MCCC1: variants seen among roughly 807,000 people sequenced by gnomAD.
MCCC1 encodes the protein methylcrotonoyl-CoA carboxylase subunit alpha, mitochondrial.
MCCC1 carries 64 observed loss-of-function variants against 83.8 expected under a neutral mutation model. That is an observed-to-expected ratio of 0.76 (90% confidence interval 0.62 to 0.94). The LOEUF (loss-of-function observed/expected upper bound fraction) is 0.94, where lower values mean the gene tolerates loss of function less well. MCCC1 is among the 40% of genes least tolerant of loss of function. MCCC1 has a pLI of 0.00. For synonymous variants in MCCC1, 322 were observed against 315.4 expected (o/e 1.02, Z -0.22); for missense variants, 807 against 904.7 (o/e 0.89, Z 1.39).
Position 183,094,549 on chromosome 3 carries a change from C to CTG in MCCC1, c.136+8_136+9dup. 1 of 1,614,028 alleles carries CTG rather than the reference C, an allele frequency of 6.2e-7. No individual in the cohort carries two copies. Among genetic ancestry groups the CTG allele is most frequent in the Non-Finnish European group, 8.5e-7 (1 of 1,179,878 alleles). ...GCAAAATCAAATAGAACAACAAAGT[C>CTG]TGTCAGTACCTGTGGCTGTTGTGTA... On this transcript the variant is annotated intron_variant, in intron 2 of 18. Coordinates refer to ENST00000265594, the MANE Select transcript of MCCC1 (RefSeq NM_020166.5).
At position 183,025,743 on chromosome 3, in the gene MCCC1, A is replaced by C; in HGVS notation, c.1731+12T>G. 1.2e-6 allele frequency: 2 copies of C among 1,612,746 alleles called. No individual in the cohort carries two copies. The highest frequency in any genetic ancestry group is 1.7e-6 in the Non-Finnish European group (2 of 1,178,716). On this transcript the variant is annotated intron_variant, in intron 15 of 18. Coordinates refer to ENST00000265594, the MANE Select transcript of MCCC1 (RefSeq NM_020166.5). ...CAGCTCTGCACTGTAGAACAAAACC[A>C]GTAAGGCTTACCTGCATGCTATAAG...
intron 11 of MCCC1, among the ~76,000 whole-genome samples, chr3:183,040,367 A>G (rs968514029): frequency 7.3e-5 from 11 of 151,658 alleles, no homozygotes; most frequent in Admixed American, 3.3e-4. Flanking sequence ...TTCACTCTTC[A>G]TTATGCTGTT....
At position 183,064,590 on chromosome 3, in the gene MCCC1, C is replaced by T. The variant is rs867412323; in HGVS notation, c.761+6409G>A. ...AAGTGCAGCACCAGCGGGCTGCACG[C>T]CAGCTCCCCGGTTCGCCGGCTGCGG... On this transcript the variant is annotated intron_variant, in intron 7 of 18. Transcript: ENST00000265594. This position sits in a 1 kb window ranked among gnomAD's most constrained non-coding sequence, Gnocchi z 4.5. Among the ~76,000 whole-genome samples, 1 of 152,176 alleles carries T rather than the reference C, an allele frequency of 6.6e-6. No homozygotes were observed. Among genetic ancestry groups the T allele is most frequent in the East Asian group, 1.9e-4 (1 of 5,188 alleles).
At chr3:183,102,227 G>A (rs999018682), upstream of MCCC1, among the ~76,000 whole-genome samples, 8 of 152,030 alleles carry the variant, frequency 5.3e-5, no homozygotes, top group South Asian at 2.1e-4. Context: ...AAAACTGGGC[G>A]TAATGATGCA....
At chr3:183,029,190 C>T (rs557079810) in intron 14 of MCCC1, 2 of 152,204 alleles carry the variant, frequency 1.3e-5, no homozygotes, top group East Asian at 3.9e-4. Context: ...AGACGAAAAC[C>T]TAAAGTTTTG....
At chr3:183,018,956 C>T (rs1030030656) in intron 17 of MCCC1, among the ~76,000 whole-genome samples, 5 of 152,170 alleles carry the variant, frequency 3.3e-5, no homozygotes, top group African/African-American at 1.2e-4. Context: ...GTCTCACTTT[C>T]GTTTTGGTTA....
At chr3:183,083,113 T>C (rs912781806) in intron 4 of MCCC1, among the ~76,000 whole-genome samples, 3 of 152,228 alleles carry the variant, frequency 2.0e-5, no homozygotes, top group Non-Finnish European at 4.4e-5. Flanking sequence ...TATAAAAGTA[T>C]GTCAAAATGG....
upstream of MCCC1, chr3:183,099,633 A>C (rs1719021544): frequency 4.4e-6 from 3 of 680,356 alleles, no homozygotes; most frequent in East Asian, 5.5e-5. Context: ...GCCCGGCTTC[A>C]GTAGCGACGA....
At chr3:183,033,690 T>G (rs940329609) in intron 14 of MCCC1, among the ~76,000 whole-genome samples, 4 of 152,236 alleles carry the variant, frequency 2.6e-5, no homozygotes, top group African/African-American at 7.2e-5. Context: ...GAGGTTTTTT[T>G]GGGCATATTT....
upstream of MCCC1, chr3:183,099,526 C>T: frequency 2.0e-6 from 3 of 1,501,990 alleles, no homozygotes; most frequent in South Asian, 3.6e-5. Context: ...ACTACGAAGC[C>T]TCGTGACCCC....
intron 1 of MCCC1, among the ~76,000 whole-genome samples, chr3:183,096,926 G>C (rs1282663656): frequency 6.6e-6 from 1 of 152,164 alleles, no homozygotes; most frequent in Admixed American, 6.5e-5. Context: ...ATGGTTGCTT[G>C]TTGGTAAAGC....
rs1046985811 is a variant in MCCC1, at chr3:183,064,761, T to G, written c.761+6238A>C. 6.6e-6 allele frequency among the ~76,000 whole-genome samples: 1 copy of G among 152,144 alleles called. No individual in the cohort carries two copies. The highest frequency in any genetic ancestry group is 1.5e-5 in the Non-Finnish European group (1 of 68,004). On this transcript the variant is annotated intron_variant, in intron 7 of 18. Transcript: ENST00000265594. The surrounding 1 kb of genome is among the most constrained non-coding windows in gnomAD (Gnocchi z 4.5). ...GTGGACAGCAGGGCGAAGCGGGTAATGTAGGGGTGCAGCACCGGCAGGAGG... is the reference window on the plus strand; with the variant it reads ...GTGGACAGCAGGGCGAAGCGGGTAAGGTAGGGGTGCAGCACCGGCAGGAGG...
At chr3:183,056,880 G>A (rs1408860567) in intron 8 of MCCC1, among the ~76,000 whole-genome samples, 2 of 152,180 alleles carry the variant, frequency 1.3e-5, no homozygotes, top group Admixed American at 1.3e-4. Context: ...TTTTAGTAGA[G>A]ATGGGGGTTT....
intron 9 of MCCC1, among the ~76,000 whole-genome samples, chr3:183,048,135 T>C (rs1400297058): frequency 6.6e-6 from 1 of 152,182 alleles, no homozygotes; most frequent in East Asian, 1.9e-4. Context: ...TGACTGTACT[T>C]GATATGCTAA....
At chr3:183,102,482 T>TAATAAAATG (rs1719328489), upstream of MCCC1, among the ~76,000 whole-genome samples, 1 of 152,058 alleles carries the variant, frequency 6.6e-6, no homozygotes, top group African/African-American at 2.4e-5. Context: ...AGAAATCAAT[T>TAATAAAATG]AATAAAATGA....
chr3:183,071,043 GAA>G lies in MCCC1; in HGVS notation c.715_716del (p.Phe239GlnfsTer2). ...TCTCGATCAGCATAGCATCATCATT[GAA>G]AGACTTCTTAGCTTCTCTCCGTGCT... ...ESARREAKKS[F>X]NDDAMLIEKF... is the part of the protein sequence containing the mutation. On this transcript the variant is annotated frameshift_variant, in exon 7 of 19. Transcript: ENST00000265594. LOFTEE classifies it high-confidence loss of function. 6.2e-7 allele frequency: 1 copy of G among 1,614,148 alleles called. No homozygotes were observed. The highest frequency in any genetic ancestry group is 8.5e-7 in the Non-Finnish European group (1 of 1,180,032).
intron 1 of MCCC1, chr3:183,098,490 A>G (rs995878181): frequency 2.0e-5 from 3 of 152,254 alleles, no homozygotes; most frequent in Non-Finnish European, 2.9e-5. Context: ...TAACTTACCC[A>G]AAGTCACACA....
chr3:183,032,707 T>TA (rs1449899301), intron 14 of MCCC1, among the ~76,000 whole-genome samples: 1 of 152,026 alleles, frequency 6.6e-6, no homozygotes, highest in African/African-American at 2.4e-5. Context: ...ACCCTGTCTC[T>TA]ACTAAAAATA....
chr3:183,091,100 GCA>G (rs1400317977), intron 3 of MCCC1: 2 of 452,886 alleles, frequency 4.4e-6, no homozygotes, highest in African/African-American at 2.0e-5. Flanking sequence ...AATACTCATT[GCA>G]CAGAGTGAGA....
Sources: allele counts gnomAD v4.1 joint callset (sites outside exome capture counted in the v4.1 genomes callset), GRCh38; gene constraint gnomAD v4.1.1; non-coding constraint Gnocchi (gnomAD v3.1); transcripts MANE v1.5; gene names NCBI Gene and HGNC (gene_info 2026-07-23, HGNC 2026-07-21).